The following MIB1 variants were observed in gnomAD, a reference collection of about 807,000 sequenced individuals.
MIB1 encodes the protein E3 ubiquitin-protein ligase MIB1.
MIB1 carries 278 observed loss-of-function variants against 124.5 expected under a neutral mutation model. The ratio of observed to expected loss-of-function variants is 2.23; its 90% CI spans 2.02 to 2.47. The LOEUF (loss-of-function observed/expected upper bound fraction) is 2.47. Among genes scored for constraint, MIB1 ranks in the 30% most tolerant of loss-of-function variants. The pLI is 0.00. For missense variants in MIB1, 957 were observed against 1,254.4 expected (o/e 0.76, Z 3.58); for synonymous variants, 446 against 429.4 (o/e 1.04, Z -0.48).
rs2042343659 is a variant in MIB1 at position 21,869,827 on chromosome 18, CT to C, written c.*5162del. On this transcript the variant is annotated 3_prime_UTR_variant, in exon 21 of 21. Transcript: ENST00000261537. Reference sequence around the variant, plus strand: ...AAAAGACCCTTTGTTCAAATGGATTCTGTTGTAAAAAATTATTTTTAAAGGA... The same window carrying C: ...AAAAGACCCTTTGTTCAAATGGATTCGTTGTAAAAAATTATTTTTAAAGGA... The C allele has an allele frequency of 1.3e-5, 2 of 151,948 alleles. No homozygotes were observed. Among genetic ancestry groups the C allele is most frequent in the African/African-American group, 4.8e-5 (2 of 41,372 alleles). 9.4% of individuals were successfully genotyped at this position (151,948 alleles called of 1,614,324 possible). A position where few individuals can be genotyped will look rare whatever the true frequency, so the allele number is the denominator to read the frequency against.
intron 6 of MIB1, among the ~76,000 whole-genome samples, chr18:21,784,522 AT>A (rs1371401052): frequency 6.6e-6 from 1 of 152,182 alleles, no homozygotes; most frequent in African/African-American, 2.4e-5. Context: ...AATAGTTATA[AT>A]AGTTATACTA....
At chr18:21,790,647 A>T (rs1177303734) in intron 6 of MIB1, among the ~76,000 whole-genome samples, 1 of 152,208 alleles carries the variant, frequency 6.6e-6, no homozygotes, top group African/African-American at 2.4e-5. Context: ...GTATTGATAG[A>T]ATGTCTGTAA....
intron 20 of MIB1, among the ~76,000 whole-genome samples, chr18:21,860,098 CTTTTTTTTTTTT>C (rs398032096): frequency 2.6e-4 from 7 of 26,462 alleles, no homozygotes; most frequent in South Asian, 3.0e-3. Flanking sequence ...TTCTTTATGT[CTTTTTTTTTTTT>C]TTTTTTTTTT....
At chr18:21,814,218 T>A (rs529867216) in intron 10 of MIB1, among the ~76,000 whole-genome samples, 1 of 152,288 alleles carries the variant, frequency 6.6e-6, no homozygotes, top group Admixed American at 6.5e-5. Flanking sequence ...TATATGGAAT[T>A]TTGGTAGTTT....
intron 5 of MIB1, 50 bp downstream of exon 5, chr18:21,778,219 G>A (rs1480861997): frequency 9.6e-5 from 122 of 1,272,510 alleles, no homozygotes; most frequent in Non-Finnish European, 1.4e-4. Flanking sequence ...CAGAGTTCGT[G>A]GAATCAGTAA....
chr18:21,761,119 C>A (rs2146400507), intron 1 of MIB1, among the ~76,000 whole-genome samples: 1 of 152,030 alleles, frequency 6.6e-6, no homozygotes, highest in Admixed American at 6.6e-5. Flanking sequence ...CATATAATGT[C>A]CATTTTGGAA....
At chr18:21,814,352 A>C (rs1168048186) in intron 10 of MIB1, among the ~76,000 whole-genome samples, 2 of 150,832 alleles carry the variant, frequency 1.3e-5, no homozygotes, top group Non-Finnish European at 2.9e-5. Flanking sequence ...CATTAAAGCC[A>C]GTTGAGATCA....
At chr18:21,862,726 G>A (rs184846660) in intron 20 of MIB1, among the ~76,000 whole-genome samples, 3 of 152,206 alleles carry the variant, frequency 2.0e-5, no homozygotes, top group Admixed American at 6.5e-5. Context: ...TTTCAATCCC[G>A]CTGAGCCTCG....
Position 21,776,635 on chromosome 18 carries a change from A to T in MIB1, c.637-1468A>T, listed in dbSNP as rs141849679. Among the ~76,000 whole-genome samples the T allele has an allele frequency of 1.5e-3, 221 of 152,298 alleles. 5 individuals are homozygous for T. In the East Asian group the frequency reaches 0.037, roughly 25 times the overall value. ...GATACTTAGTAATTTGTTTCCTTGTAAAAGATAAGTGGGAAGGAATGTTAG... is the reference window on the plus strand; with the variant it reads ...GATACTTAGTAATTTGTTTCCTTGTTAAAGATAAGTGGGAAGGAATGTTAG... On this transcript the variant is annotated intron_variant, in intron 4 of 20. Transcript: ENST00000261537.
intron 5 of MIB1, among the ~76,000 whole-genome samples, chr18:21,778,986 A>C (rs3931634): frequency 6.6e-6 from 1 of 152,112 alleles, no homozygotes; most frequent in Non-Finnish European, 1.5e-5. Flanking sequence ...AGCTTTTGAA[A>C]ATAATCTAGG....
At chr18:21,787,204 T>C (rs975617396) in intron 6 of MIB1, among the ~76,000 whole-genome samples, 3 of 152,168 alleles carry the variant, frequency 2.0e-5, no homozygotes, top group Non-Finnish European at 4.4e-5. Flanking sequence ...TTTGGAACTC[T>C]GTTCATCCTG....
intron 12 of MIB1, among the ~76,000 whole-genome samples, chr18:21,836,792 A>G (rs1293361025): frequency 6.6e-6 from 1 of 152,198 alleles, no homozygotes; most frequent in Non-Finnish European, 1.5e-5. Flanking sequence ...TGTTTCTCAC[A>G]TGCTCAAATG....
chr18:21,724,772 A>ATG (rs1194295006), intron 1 of MIB1, among the ~76,000 whole-genome samples: 1 of 107,752 alleles, frequency 9.3e-6, no homozygotes, highest in Non-Finnish European at 1.9e-5. Context: ...ATATATATAT[A>ATG]TTAGTCTATA....
At chr18:21,734,169 C>T (rs1033609407) in intron 1 of MIB1, among the ~76,000 whole-genome samples, 13 of 149,544 alleles carry the variant, frequency 8.7e-5, no homozygotes, top group Admixed American at 7.4e-4. Flanking sequence ...TGCAGTGGCA[C>T]GATTTTGGCT....
intron 1 of MIB1, among the ~76,000 whole-genome samples, chr18:21,725,299 A>G (rs1010465063): frequency 2.2e-4 from 33 of 152,184 alleles, no homozygotes; most frequent in African/African-American, 7.7e-4. Flanking sequence ...GAAAAAATGT[A>G]AAATGTGGAA....
chr18:21,819,609 A>G lies in MIB1; in HGVS notation c.1792A>G (p.Asn598Asp). ...DVTITNNNGFNALHHAALRGN... is the reference protein window; with the variant it reads ...DVTITNNNGFDALHHAALRGN... ...TACCATCACAAACAATAATGGATTT[A>G]ATGCTCTGCATCATGCTGCACTAAG... is the stretch of plus-strand genomic sequence containing the variant. The change falls in exon 12 of 21, where the codon AAT (asparagine) becomes GAT (aspartate). Residue 598 changes from asparagine (N) to aspartate (D), a missense_variant. Physicochemically the swap from Asn to Asp is conservative, Grantham distance 23. Coordinates refer to ENST00000261537, the MANE Select transcript of MIB1 (RefSeq NM_020774.4). The G allele has an allele frequency of 6.2e-7, 1 of 1,611,010 alleles. No individual in the cohort carries two copies. The highest frequency in any genetic ancestry group is 1.1e-5 in the South Asian group (1 of 90,216).
chr18:21,846,994 T>TA lies in MIB1; in HGVS notation c.2263dup (p.Ile755AsnfsTer11). ...GGGCAGAGAAGAAGAGTGCAGCATC[T>TA]ATTGCCTGTTTCTTGGCAGCCAATG... On this transcript the variant is annotated frameshift_variant, in exon 16 of 21. Coordinates refer to ENST00000261537, the MANE Select transcript of MIB1 (RefSeq NM_020774.4). LOFTEE classifies it high-confidence loss of function. 1 of 1,614,172 alleles carries TA rather than the reference T, an allele frequency of 6.2e-7. No individual in the cohort carries two copies. The highest frequency in any genetic ancestry group is 8.5e-7 in the Non-Finnish European group (1 of 1,180,024).
chr18:21,824,608 GTAAT>G (rs1306967364), intron 12 of MIB1, among the ~76,000 whole-genome samples: 1 of 151,848 alleles, frequency 6.6e-6, no homozygotes, highest in Non-Finnish European at 1.5e-5. Flanking sequence ...TGACTGAGGT[GTAAT>G]TAATAGGAGG....
chr18:21,809,926 G>A (rs2041751826), intron 10 of MIB1, among the ~76,000 whole-genome samples: 1 of 152,008 alleles, frequency 6.6e-6, no homozygotes, highest in Non-Finnish European at 1.5e-5. Context: ...AAAGACATCC[G>A]AATTGGAAAG....
Sources: allele counts gnomAD v4.1 joint callset (sites outside exome capture counted in the v4.1 genomes callset), GRCh38; gene constraint gnomAD v4.1.1; transcripts MANE v1.5; gene names NCBI Gene and HGNC (gene_info 2026-07-23, HGNC 2026-07-21).